Variants in CAST observed in about 807,000 individuals in gnomAD.
CAST encodes MIR583 host.
In CAST, 76 loss-of-function variants were observed where a neutral mutation model predicts 119.6. The ratio of observed to expected loss-of-function variants is 0.64; its 90% CI spans 0.53 to 0.77. CAST has a LOEUF of 0.77. Ranked by LOEUF, CAST falls within the 30% of genes least tolerant of loss-of-function variation. The pLI is 0.00. For missense variants in CAST, 953 were observed against 946.5 expected, an observed-to-expected ratio of 1.01 and a Z score of -0.09; for synonymous variants, 319 against 331.6, an observed-to-expected ratio of 0.96 and a Z score of 0.41.
the CAST span, chr5:96,399,091 T>A: frequency 7.7e-7 from 1 of 1,297,824 alleles, no homozygotes. Flanking sequence ...TTCCTTGCAT[T>A]TTATGCATAT....
chr5:96,045,834 C>G, the CAST span, among the ~76,000 whole-genome samples: 5 of 150,642 alleles, frequency 3.3e-5, no homozygotes, highest in Admixed American at 6.6e-5. Flanking sequence ...AGGAGATAGA[C>G]AAAAAAAATA....
the CAST span, among the ~76,000 whole-genome samples, chr5:95,981,874 AAAG>A: frequency 3.5e-4 from 53 of 152,206 alleles, 3 homozygotes; most frequent in East Asian, 7.6e-3. Flanking sequence ...ACTCCATTTG[AAAG>A]AAAAGAAAAA....
Position 96,653,790 on chromosome 5 carries a change from A to G in CAST, c.61-21749A>G, listed in dbSNP as rs1294087438. On this transcript the variant is annotated intron_variant, in intron 1 of 11. Transcript: ENST00000505143. ...TTTGGGGGCCAAAATAATTATCTTT[A>G]AGTATTTGAAAGACTGAAAAGCAAA... 2.0e-5 allele frequency among the ~76,000 whole-genome samples: 3 copies of G among 152,152 alleles called. No homozygotes were observed. The East Asian group carries it at 5.8e-4, about 29-fold the overall frequency.
intron 1 of CAST, among the ~76,000 whole-genome samples, chr5:96,619,502 C>G (rs978162522): frequency 6.6e-6 from 1 of 152,252 alleles, no homozygotes; most frequent in African/African-American, 2.4e-5. Context: ...CCCGAACTAG[C>G]AGCAGCAACC....
chr5:96,157,800 A>C, the CAST span, among the ~76,000 whole-genome samples: 1 of 152,230 alleles, frequency 6.6e-6, no homozygotes, highest in African/African-American at 2.4e-5. Flanking sequence ...GATGTACAAA[A>C]AATACAAATC....
chr5:96,774,113 T>G lies in CAST; in HGVS notation c.*1497T>G, dbSNP rs1211567999. 6.5e-6 allele frequency: 1 copy of G among 153,234 alleles called. No individual in the cohort carries two copies. Among genetic ancestry groups the G allele is most frequent in the Non-Finnish European group, 1.5e-5 (1 of 67,996 alleles). The allele number at this position is 153,234 out of a possible 1,614,324, so 9.5% of individuals were successfully genotyped here. The stretch of plus-strand genomic sequence containing the variant: ...AAAAACACTTTTCCTGAGGGATTTC[T>G]AACCATGTATCTAATCCTCCCATTT... On this transcript the variant is annotated 3_prime_UTR_variant, in exon 32 of 32. Coordinates refer to ENST00000675179, the MANE Select transcript of CAST (RefSeq NM_001750.7).
At chr5:96,588,617 A>C (rs978974107) in intron 1 of CAST, among the ~76,000 whole-genome samples, 3 of 152,176 alleles carry the variant, frequency 2.0e-5, no homozygotes, top group Non-Finnish European at 4.4e-5. Flanking sequence ...AATTGGATGA[A>C]ATTACAATAA....
At chr5:96,034,085 A>G in the CAST span, among the ~76,000 whole-genome samples, 1 of 152,176 alleles carries the variant, frequency 6.6e-6, no homozygotes, top group Non-Finnish European at 1.5e-5. Flanking sequence ...AGCCTGGACA[A>G]CACAGTGAGA....
chr5:96,447,076 C>A, the CAST span, among the ~76,000 whole-genome samples: 1 of 152,184 alleles, frequency 6.6e-6, no homozygotes, highest in Non-Finnish European at 1.5e-5. Flanking sequence ...CTGGAGAGGG[C>A]ATGAATGCCT....
chr5:96,454,959 A>G, the CAST span, among the ~76,000 whole-genome samples: 3 of 152,226 alleles, frequency 2.0e-5, no homozygotes, highest in Admixed American at 6.5e-5. Context: ...TGGCATTTCT[A>G]TTTATGACAA....
At chr5:96,048,018 T>A in the CAST span, among the ~76,000 whole-genome samples, 1 of 152,176 alleles carries the variant, frequency 6.6e-6, no homozygotes, top group Non-Finnish European at 1.5e-5. Flanking sequence ...TGGCTGGAAT[T>A]CTCAGTTAGA....
chr5:96,013,491 T>C, the CAST span, among the ~76,000 whole-genome samples: 1 of 152,120 alleles, frequency 6.6e-6, no homozygotes, highest in Non-Finnish European at 1.5e-5. Context: ...AGTCCTCTAT[T>C]GATGGTGCTG....
chr5:96,721,578 T>G (rs1010456563), intron 3 of CAST, among the ~76,000 whole-genome samples: 6 of 152,086 alleles, frequency 3.9e-5, no homozygotes, highest in African/African-American at 9.7e-5. Flanking sequence ...TCCCTGGGTG[T>G]TGTTGGCAGG....
At chr5:96,651,542 T>C (rs112272517) in intron 1 of CAST, among the ~76,000 whole-genome samples, 6,315 of 152,320 alleles carry the variant, frequency 0.041, 178 homozygotes, top group Middle Eastern at 0.092. Flanking sequence ...GCATCTCACC[T>C]GAGGTTGGGA....
At chr5:96,510,764 A>G in the CAST span, among the ~76,000 whole-genome samples, 1 of 152,264 alleles carries the variant, frequency 6.6e-6, no homozygotes. Flanking sequence ...ATTTTTTGAC[A>G]TGCACACTGA....
the CAST span, among the ~76,000 whole-genome samples, chr5:96,223,028 G>T: frequency 6.6e-6 from 1 of 152,126 alleles, no homozygotes; most frequent in Admixed American, 6.6e-5. Context: ...AATTCTGCTT[G>T]TTCTCACTCA....
the CAST span, among the ~76,000 whole-genome samples, chr5:96,475,787 C>A: frequency 6.6e-6 from 1 of 152,134 alleles, no homozygotes; most frequent in South Asian, 2.1e-4. Context: ...AAAGAGGGGA[C>A]CTGTGGCTGG....
intron 1 of CAST, among the ~76,000 whole-genome samples, chr5:96,587,615 T>G (rs1364954387): frequency 6.6e-6 from 1 of 152,208 alleles, no homozygotes; most frequent in East Asian, 1.9e-4. Flanking sequence ...GGGTAACCAA[T>G]AAGAATACTG....
chr5:96,766,535 T>G (rs1162195919), intron 27 of CAST, among the ~76,000 whole-genome samples: 1 of 152,162 alleles, frequency 6.6e-6, no homozygotes, highest in Non-Finnish European at 1.5e-5. Context: ...TAGGGAAAAT[T>G]AATAAGGCAG....
Sources: allele counts gnomAD v4.1 joint callset (sites outside exome capture counted in the v4.1 genomes callset), GRCh38; gene constraint gnomAD v4.1.1; transcripts MANE v1.5; gene names NCBI Gene and HGNC (gene_info 2026-07-23, HGNC 2026-07-21).